Variants in WIPF2 observed in about 807,000 individuals in gnomAD.
WIPF2 encodes WAS/WASL interacting protein family member 2, also known as WAS/WASL-interacting protein family member 2.
WIPF2 carries 23 observed loss-of-function variants against 38.8 expected under a neutral mutation model. The ratio of observed to expected loss-of-function variants is 0.59; its 90% confidence interval spans 0.43 to 0.84. The LOEUF (loss-of-function observed/expected upper bound fraction) is 0.84. Ranked by LOEUF, WIPF2 falls within the 40% of genes least tolerant of loss-of-function variation. The pLI is 0.00. For missense variants in WIPF2, 574 were observed against 580.5 expected, an observed-to-expected ratio of 0.99 and a Z score of 0.11; for synonymous variants, 210 against 223.2, an observed-to-expected ratio of 0.94 and a Z score of 0.53.
At chr17:40,222,654 GTTTTTTTTT>G (rs58758484) in intron 1 of WIPF2, among the ~76,000 whole-genome samples, 3 of 52,820 alleles carry the variant, frequency 5.7e-5, no homozygotes, top group Non-Finnish European at 1.1e-4. Context: ...TGCATATTCA[GTTTTTTTTT>G]TTTTTTTTTT....
chr17:40,284,093 A>G lies in WIPF2; in HGVS notation c.*5868A>G, dbSNP rs773821251. 3 of 152,228 alleles carry G rather than the reference A, an allele frequency of 2.0e-5. No homozygotes were observed. Among genetic ancestry groups the G allele is most frequent in the Non-Finnish European group, 2.9e-5 (2 of 68,020 alleles). The allele number at this position is 152,228 out of a possible 1,614,324, so 9.4% of individuals were successfully genotyped here. A position where few individuals can be genotyped will look rare whatever the true frequency, so the allele number is the denominator to read the frequency against. On this transcript the variant is annotated 3_prime_UTR_variant, in exon 8 of 8. Transcript: ENST00000323571. The stretch of plus-strand genomic sequence containing the variant: ...TGAATCTCCGATTATTTGACCCATC[A>G]TTGTTATTAATATGGTTAATAAACT...
At position 40,254,047 on chromosome 17, in the gene WIPF2, C is replaced by CA. The variant is rs201696238; in HGVS notation, c.-69-2343dup. Among the ~76,000 whole-genome samples, 94 of 149,988 alleles carry CA rather than the reference C, an allele frequency of 6.3e-4. 2 individuals carry two copies. In the East Asian group the frequency reaches 0.017, roughly 28 times the overall value. Reference sequence around the variant, plus strand: ...TTTTTTTTTTTTTGAGACAGAGTCTCACTCTGTCATCCAGGTTGGAGTGCA... The same window carrying CA: ...TTTTTTTTTTTTTGAGACAGAGTCTCAACTCTGTCATCCAGGTTGGAGTGCA... On this transcript the variant is annotated intron_variant, in intron 1 of 7. Transcript: ENST00000323571.
intron 5 of WIPF2, among the ~76,000 whole-genome samples, chr17:40,269,757 A>G (rs1345270390): frequency 2.0e-5 from 3 of 150,114 alleles, no homozygotes; most frequent in Admixed American, 2.0e-4. Flanking sequence ...GGCACCCGCT[A>G]CCATACCCGA....
intron 1 of WIPF2, among the ~76,000 whole-genome samples, chr17:40,238,212 A>G (rs971571200): frequency 1.3e-5 from 2 of 152,046 alleles, no homozygotes; most frequent in South Asian, 4.1e-4. Flanking sequence ...ATTGTCAGGA[A>G]TTCTGTTTTG....
chr17:40,236,275 A>G (rs1193962893), intron 1 of WIPF2, among the ~76,000 whole-genome samples: 1 of 149,472 alleles, frequency 6.7e-6, no homozygotes. Flanking sequence ...CAGCCTAGAT[A>G]TAAAATTTTC....
intron 1 of WIPF2, among the ~76,000 whole-genome samples, chr17:40,231,774 G>C (rs1027636774): frequency 2.6e-5 from 4 of 151,780 alleles, no homozygotes; most frequent in Non-Finnish European, 5.9e-5. Context: ...GCTCTTGGAA[G>C]TTGGGAGCTA....
At position 40,264,829 on chromosome 17, in the gene WIPF2, A is replaced by T. The variant is rs2032029613; in HGVS notation, c.653A>T (p.His218Leu). 6 of 1,613,574 alleles carry T rather than the reference A, an allele frequency of 3.7e-6. No individual in the cohort carries two copies. The highest frequency in any genetic ancestry group is 5.1e-6 in the Non-Finnish European group (6 of 1,179,952). The change falls in exon 5 of 8, where the codon CAC becomes CTC. Residue 218 changes from histidine (H) to leucine (L), a missense_variant. Transcript: ENST00000323571. ...PLPPTPGQRL[H>L]PGREGPPAPP... ...CCACCGACGCCTGGACAAAGGCTTC[A>T]CCCTGGTCGAGAGGGACCTCCTGCT... is the stretch of plus-strand genomic sequence containing the variant.
intron 1 of WIPF2, among the ~76,000 whole-genome samples, chr17:40,252,659 C>CAAA (rs751249426): frequency 8.7e-6 from 1 of 114,384 alleles, no homozygotes; most frequent in Non-Finnish European, 1.8e-5. Flanking sequence ...GACTCTGTCT[C>CAAA]AAAAAAAAAA....
intron 1 of WIPF2, among the ~76,000 whole-genome samples, chr17:40,235,999 C>T (rs531083466): frequency 6.6e-6 from 1 of 151,558 alleles, no homozygotes; most frequent in South Asian, 2.1e-4. Context: ...TGCTCTGTCA[C>T]CCAGGCCCGA....
At chr17:40,269,806 C>A (rs971239554) in intron 5 of WIPF2, among the ~76,000 whole-genome samples, 1 of 150,206 alleles carries the variant, frequency 6.7e-6, no homozygotes, top group Non-Finnish European at 1.5e-5. Context: ...GGGGTTTCAC[C>A]ATGTTAGCCA....
intron 1 of WIPF2, among the ~76,000 whole-genome samples, chr17:40,234,260 G>C (rs1005751197): frequency 1.3e-5 from 2 of 150,526 alleles, no homozygotes; most frequent in Non-Finnish European, 3.0e-5. Context: ...CCAGCTACTC[G>C]GGAGGCGCAC....
At chr17:40,220,378 T>G (rs939071083) in intron 1 of WIPF2, 1 of 151,504 alleles carries the variant, frequency 6.6e-6, no homozygotes, top group Non-Finnish European at 1.5e-5. Context: ...GGAACTGATA[T>G]GTGATGGAAT....
intron 1 of WIPF2, among the ~76,000 whole-genome samples, chr17:40,253,591 C>G (rs1413604023): frequency 6.6e-6 from 1 of 152,206 alleles, no homozygotes; most frequent in Non-Finnish European, 1.5e-5. Flanking sequence ...TGTTAAACGC[C>G]TGGCAAAGAA....
chr17:40,245,952 C>G (rs556660630), intron 1 of WIPF2, among the ~76,000 whole-genome samples: 1 of 152,104 alleles, frequency 6.6e-6, no homozygotes, highest in East Asian at 1.9e-4. Context: ...TTGAACAACA[C>G]GTATAGCCTT....
Position 40,265,109 on chromosome 17 carries a change from ACCTCCCC to A in WIPF2, c.935_941del (p.Pro312GlnfsTer18), listed in dbSNP as rs2032046000. 6.2e-7 allele frequency: 1 copy of A among 1,612,314 alleles called. No individual in the cohort carries two copies. The highest frequency in any genetic ancestry group is 8.5e-7 in the Non-Finnish European group (1 of 1,179,264). ...CCCCATCTTTACTGAGTAATAGGCCACCTCCCCCAGCCCGAGACCCTCCCAGTCGGGG... is the reference window on the plus strand; with the variant it reads ...CCCCATCTTTACTGAGTAATAGGCCACAGCCCGAGACCCTCCCAGTCGGGG... On this transcript the variant is annotated frameshift_variant, in exon 5 of 8. Coordinates refer to ENST00000323571, the MANE Select transcript of WIPF2 (RefSeq NM_133264.5). LOFTEE classifies it high-confidence loss of function.
rs1191077559 is a variant in WIPF2 at position 40,280,581 on chromosome 17, G to A, written c.*2356G>A. 6.6e-6 allele frequency: 1 copy of A among 152,614 alleles called. No individual in the cohort carries two copies. Among genetic ancestry groups the A allele is most frequent in the Admixed American group, 6.5e-5 (1 of 15,270 alleles). The allele number at this position is 152,614 out of a possible 1,614,324, so 9.5% of individuals were successfully genotyped here. ...CCAGGGCAGATACTGACAAGTGACT[G>A]AACTTTGACTGTGAAGTCTTCCCAT... is the stretch of plus-strand genomic sequence containing the variant. On this transcript the variant is annotated 3_prime_UTR_variant, in exon 8 of 8. Coordinates refer to ENST00000323571, the MANE Select transcript of WIPF2 (RefSeq NM_133264.5).
chr17:40,258,342 C>G (rs921076268), intron 2 of WIPF2, among the ~76,000 whole-genome samples: 1 of 151,412 alleles, frequency 6.6e-6, no homozygotes, highest in African/African-American at 2.4e-5. Flanking sequence ...GAGATTGCAC[C>G]CAGCACTTTG....
At chr17:40,239,332 A>G (rs1364384931) in intron 1 of WIPF2, among the ~76,000 whole-genome samples, 2 of 151,944 alleles carry the variant, frequency 1.3e-5, no homozygotes, top group Non-Finnish European at 2.9e-5. Flanking sequence ...CAGCCTCCCA[A>G]AGTGCTGGGA....
At chr17:40,256,035 A>C (rs987201230) in intron 1 of WIPF2, among the ~76,000 whole-genome samples, 2 of 149,758 alleles carry the variant, frequency 1.3e-5, no homozygotes, top group Non-Finnish European at 3.0e-5. Flanking sequence ...TCTAGGCTGC[A>C]GTGAGCCATG....
Sources: gnomAD v4.1 joint callset for allele counts (sites outside exome capture counted in the v4.1 genomes callset) on GRCh38, gnomAD v4.1.1 for gene constraint, MANE v1.5 for transcripts, NCBI Gene and HGNC (gene_info 2026-07-23, HGNC 2026-07-21) for gene names.